Variants in PCDH11X observed in about 807,000 individuals in gnomAD.
PCDH11X encodes protocadherin-11 X-linked.
Under a neutral mutation model 53.3 loss-of-function variants are expected in PCDH11X, and 18 were observed. The ratio of observed to expected loss-of-function variants is 0.34; its 90% CI spans 0.23 to 0.50. The LOEUF is 0.50. Ranked by LOEUF, PCDH11X falls within the 20% of genes least tolerant of loss-of-function variation. The pLI is 0.98. For synonymous variants in PCDH11X, 279 were observed against 393.3 expected (o/e 0.71, Z 3.44); for missense variants, 570 against 1,032.4 (o/e 0.55, Z 6.14).
chrX:91,829,413 TACACAC>T (rs756637346), intron 4 of PCDH11X, among the ~76,000 whole-genome samples: 10 of 81,186 alleles, frequency 1.2e-4, no homozygotes, highest in African/African-American at 4.7e-4. Context: ...ATATATATAT[TACACAC>T]ACACACACAC....
chrX:92,047,587 A>T (rs1223517052), intron 6 of PCDH11X, among the ~76,000 whole-genome samples: 1 of 109,338 alleles, frequency 9.1e-6, no homozygotes, highest in African/African-American at 3.3e-5. Context: ...AAACCTAAAC[A>T]GAAAATATTT....
chrX:92,114,328 C>T (rs1305720635), intron 6 of PCDH11X: 27 of 1,067,854 alleles, frequency 2.5e-5, no homozygotes, highest in East Asian at 9.1e-5. Flanking sequence ...ATAGATGTCA[C>T]GGAGAAGGGA....
intron 8 of PCDH11X, among the ~76,000 whole-genome samples, chrX:92,315,760 T>C (rs1259960509): frequency 9.2e-6 from 1 of 108,578 alleles, no homozygotes; most frequent in Non-Finnish European, 1.9e-5. Context: ...GGTCCTGAAC[T>C]CTTGGGCTCA....
rs778717692 is a variant in PCDH11X, at chrX:91,878,373, T to C, written c.2133T>C (p.Val711=). Residue 711 remains valine (V), a synonymous_variant, in exon 6 of 11, where the codon GTT becomes GTC. Coordinates refer to ENST00000682573, the MANE Select transcript of PCDH11X (RefSeq NM_032968.5). ...ATGACACTGGCATGAATGCAGAGGTTCGTTACAGCATTGTAGGAGGAAACA... is the reference window on the plus strand; with the variant it reads ...ATGACACTGGCATGAATGCAGAGGTCCGTTACAGCATTGTAGGAGGAAACA... ...VDNDTGMNAE[V]RYSIVGGNTR... is the part of the protein sequence containing the mutation. 2.2e-5 allele frequency: 26 copies of C among 1,205,438 alleles called. No individual in the cohort carries two copies. The highest frequency in any genetic ancestry group is 2.7e-5 in the Non-Finnish European group (24 of 891,842).
intron 1 of PCDH11X, among the ~76,000 whole-genome samples, chrX:91,805,852 A>G (rs1212905625): frequency 9.2e-6 from 1 of 108,732 alleles, no homozygotes; most frequent in Non-Finnish European, 1.9e-5. Context: ...TTAGGACAAA[A>G]AAGATATAGG....
At position 92,159,741 on chromosome X, in the gene PCDH11X, G is replaced by A. The variant is rs1489244160; in HGVS notation, c.3034-41634G>A. Among the ~76,000 whole-genome samples the A allele has an allele frequency of 1.9e-4, 18 of 95,985 alleles. No individual in the cohort carries two copies. The South Asian group carries it at 6.6e-3, about 35-fold the overall frequency. The allele number at this position is 95,985 out of a possible 115,157, so 83.4% of individuals were successfully genotyped here. The stretch of plus-strand genomic sequence containing the variant: ...CATCTCATTCTATAAAACAGAATGA[G>A]TGCTGAACAGTTGTTTTTTTAAAGT... On this transcript the variant is annotated intron_variant, in intron 6 of 10. Transcript: ENST00000682573.
chrX:91,875,445 G>A (rs1382800553), intron 5 of PCDH11X, among the ~76,000 whole-genome samples: 1 of 104,879 alleles, frequency 9.5e-6, no homozygotes, highest in Non-Finnish European at 1.9e-5. Flanking sequence ...ACCACGCCAG[G>A]CTAATTTTTT....
intron 6 of PCDH11X, among the ~76,000 whole-genome samples, chrX:92,076,782 G>A (rs1325104753): frequency 8.9e-6 from 1 of 111,994 alleles, no homozygotes; most frequent in Admixed American, 9.5e-5. Context: ...CTTCTGCCCA[G>A]CTGGGCTTAT....
rs748061430 is a variant in PCDH11X at position 92,308,762 on chromosome X, ATAGC to A, written c.3144+45622_3144+45625del. 4.5e-5 allele frequency among the ~76,000 whole-genome samples: 5 copies of A among 111,638 alleles called. No individual in the cohort carries two copies. The East Asian group carries it at 1.4e-3, about 31-fold the overall frequency. ...ATCTCATAAGGAGTTGATATCCAGA[ATAGC>A]TAAAGTATTCCTACAACAACAACAA... On this transcript the variant is annotated intron_variant, in intron 8 of 10. Coordinates refer to ENST00000682573, the MANE Select transcript of PCDH11X (RefSeq NM_032968.5).
intron 9 of PCDH11X, among the ~76,000 whole-genome samples, chrX:92,402,765 G>C (rs1370186414): frequency 9.0e-6 from 1 of 110,779 alleles, no homozygotes; most frequent in East Asian, 2.8e-4. Context: ...AGCAAACATT[G>C]ACAAATGGGA....
chrX:92,403,083 G>A (rs2071420508), intron 9 of PCDH11X, among the ~76,000 whole-genome samples: 1 of 107,392 alleles, frequency 9.3e-6, no homozygotes, highest in Non-Finnish European at 1.9e-5. Context: ...TTGAGATACT[G>A]ATAATGGAGA....
At chrX:91,901,583 G>A (rs1940957058) in intron 6 of PCDH11X, among the ~76,000 whole-genome samples, 1 of 110,398 alleles carries the variant, frequency 9.1e-6, no homozygotes, top group Non-Finnish European at 1.9e-5. Flanking sequence ...CTTTAAGGGG[G>A]ATGTTTATAA....
chrX:92,560,582 G>A (rs1307113722), intron 10 of PCDH11X, among the ~76,000 whole-genome samples: 1 of 108,237 alleles, frequency 9.2e-6, no homozygotes, highest in Admixed American at 9.9e-5. Flanking sequence ...AAGACTGAGT[G>A]CTAGACCTGA....
intron 10 of PCDH11X, among the ~76,000 whole-genome samples, chrX:92,499,100 A>G (rs2148693007): frequency 9.4e-6 from 1 of 105,995 alleles, no homozygotes; most frequent in South Asian, 4.3e-4. Context: ...TTAAATATCA[A>G]CTAATATTCA....
intron 8 of PCDH11X, among the ~76,000 whole-genome samples, chrX:92,278,806 G>GTTTTTTTTTT (rs35000823): frequency 6.3e-5 from 3 of 47,398 alleles, no homozygotes; most frequent in African/African-American, 2.8e-4. Context: ...TCTCTTTTCA[G>GTTTTTTTTTT]TTTTTTTTTT....
At chrX:92,487,036 G>T (rs2148680064) in intron 10 of PCDH11X, among the ~76,000 whole-genome samples, 1 of 96,314 alleles carries the variant, frequency 1.0e-5, no homozygotes. Flanking sequence ...TTATCTCTGA[G>T]AAATATGCTT....
At chrX:91,915,090 T>C (rs1941506526) in intron 6 of PCDH11X, among the ~76,000 whole-genome samples, 1 of 105,732 alleles carries the variant, frequency 9.5e-6, no homozygotes, top group Non-Finnish European at 1.9e-5. Context: ...AGGTCCCATC[T>C]TTAGCCCCCT....
intron 10 of PCDH11X, among the ~76,000 whole-genome samples, chrX:92,576,808 G>A (rs1393762285): frequency 9.2e-6 from 1 of 108,411 alleles, no homozygotes; most frequent in Non-Finnish European, 1.9e-5. Flanking sequence ...ATTTTTTATT[G>A]CTTCATCATT....
At chrX:92,055,808 T>A (rs1891489968) in intron 6 of PCDH11X, among the ~76,000 whole-genome samples, 1 of 111,081 alleles carries the variant, frequency 9.0e-6, no homozygotes, top group South Asian at 3.8e-4. Context: ...ATGCAGTATT[T>A]GGTTTTCTGT....
Sources: allele counts gnomAD v4.1 joint callset (sites outside exome capture counted in the v4.1 genomes callset), GRCh38; gene constraint gnomAD v4.1.1; transcripts MANE v1.5; gene names NCBI Gene and HGNC (gene_info 2026-07-23, HGNC 2026-07-21).